The following ASTN2 variants were observed in gnomAD, a reference collection of about 807,000 sequenced individuals.
The protein encoded by ASTN2 is astrotactin 2, also known as astrotactin-2.
A neutral mutation model predicts 139.8 loss-of-function variants in ASTN2; 54 were observed. The ratio of observed to expected loss-of-function variants is 0.39; its 90% CI spans 0.31 to 0.48. The LOEUF is 0.48. Among genes scored for constraint, ASTN2 ranks in the 20% least tolerant of loss-of-function variants. The pLI, the probability that ASTN2 is intolerant of heterozygous loss-of-function variation, is 0.95. For synonymous variants in ASTN2, 756 were observed against 719.5 expected (o/e 1.05, Z -0.81); for missense variants, 1,565 against 1,725.1 (o/e 0.91, Z 1.64).
At chr9:116,690,820 G>A (rs896258322) in intron 16 of ASTN2, among the ~76,000 whole-genome samples, 1 of 152,126 alleles carries the variant, frequency 6.6e-6, no homozygotes, top group African/African-American at 2.4e-5. Flanking sequence ...ATGAGACTAT[G>A]AGAACATATA....
intron 10 of ASTN2, among the ~76,000 whole-genome samples, chr9:116,865,464 G>A (rs10817946): frequency 0.19 from 25,614 of 134,484 alleles, 3,050 homozygotes; most frequent in African/African-American, 0.29. Context: ...AAAGGCAAGC[G>A]AAGAAGGCAG....
chr9:117,200,157 T>G (rs934746826), intron 3 of ASTN2, among the ~76,000 whole-genome samples: 2 of 152,006 alleles, frequency 1.3e-5, no homozygotes, highest in Non-Finnish European at 2.9e-5. Context: ...TGTATACATG[T>G]GCCATGTTGG....
intron 16 of ASTN2, among the ~76,000 whole-genome samples, chr9:116,712,744 G>T (rs553313185): frequency 6.6e-6 from 1 of 152,116 alleles, no homozygotes; most frequent in Non-Finnish European, 1.5e-5. Context: ...GACTCAACCC[G>T]AACTTTGTTT....
At chr9:117,324,872 G>A (rs148277209) in intron 1 of ASTN2, among the ~76,000 whole-genome samples, 1 of 152,190 alleles carries the variant, frequency 6.6e-6, no homozygotes, top group Non-Finnish European at 1.5e-5. Context: ...GAGATACCTT[G>A]GATAGCTCTC....
chr9:116,916,947 T>C (rs1316537920), intron 10 of ASTN2, among the ~76,000 whole-genome samples: 1 of 152,178 alleles, frequency 6.6e-6, no homozygotes, highest in Admixed American at 6.5e-5. Flanking sequence ...GTTTAAGAAA[T>C]GTTATTGTTC....
At chr9:116,451,983 C>A (rs1358331709) in intron 20 of ASTN2, among the ~76,000 whole-genome samples, 1 of 152,078 alleles carries the variant, frequency 6.6e-6, no homozygotes, top group Non-Finnish European at 1.5e-5. Flanking sequence ...TCTCCCCATC[C>A]CCCGTCTTTT....
At chr9:116,562,902 C>T (rs2131666909) in intron 19 of ASTN2, among the ~76,000 whole-genome samples, 1 of 152,210 alleles carries the variant, frequency 6.6e-6, no homozygotes, top group East Asian at 1.9e-4. Context: ...TCATTCAGTG[C>T]CTACTCTGAG....
At chr9:117,251,877 C>G (rs1043045271) in intron 2 of ASTN2, among the ~76,000 whole-genome samples, 3 of 152,110 alleles carry the variant, frequency 2.0e-5, no homozygotes, top group Non-Finnish European at 4.4e-5. Flanking sequence ...AAGCCTGAAG[C>G]CTCAGGCAGA....
chr9:117,073,706 T>C (rs967834655), intron 5 of ASTN2, among the ~76,000 whole-genome samples: 2 of 152,110 alleles, frequency 1.3e-5, no homozygotes, highest in African/African-American at 4.8e-5. Flanking sequence ...ACAAATTATG[T>C]CGACAACCAC....
chr9:116,506,682 C>G (rs12002911), intron 19 of ASTN2, among the ~76,000 whole-genome samples: 27,446 of 152,044 alleles, frequency 0.18, 2,858 homozygotes, highest in African/African-American at 0.28. Context: ...CATCTCCAAC[C>G]CCCCAAAAAG....
At chr9:116,490,272 T>TACAAAAAAAAAAAAAAAAAAAAAAAA (rs1849471849) in intron 19 of ASTN2, among the ~76,000 whole-genome samples, 1 of 37,912 alleles carries the variant, frequency 2.6e-5, no homozygotes, top group Non-Finnish European at 4.5e-5. Context: ...TGATAAAAAG[T>TACAAAAAAAAAAAAAAAAAAAAAAAA]AAAAAAAAAA....
chr9:117,380,249 C>T (rs998213062), intron 1 of ASTN2, among the ~76,000 whole-genome samples: 1 of 152,140 alleles, frequency 6.6e-6, no homozygotes, highest in African/African-American at 2.4e-5. Flanking sequence ...ATCATAAAAA[C>T]AAACGTATAA....
intron 2 of ASTN2, among the ~76,000 whole-genome samples, chr9:117,290,033 C>T (rs944958507): frequency 3.3e-5 from 5 of 152,162 alleles, no homozygotes; most frequent in Non-Finnish European, 5.9e-5. Flanking sequence ...AAGGTCGCTC[C>T]GTTGTGGAGT....
intron 1 of ASTN2, among the ~76,000 whole-genome samples, chr9:117,322,059 A>C (rs1244613316): frequency 2.0e-5 from 3 of 152,012 alleles, no homozygotes; most frequent in Admixed American, 6.6e-5. Flanking sequence ...CTCTGTTTGG[A>C]ATCTTCTCCC....
At chr9:117,010,085 T>G (rs1167955564) in intron 6 of ASTN2, among the ~76,000 whole-genome samples, 1 of 152,068 alleles carries the variant, frequency 6.6e-6, no homozygotes, top group Non-Finnish European at 1.5e-5. Context: ...GGGGTCTTTG[T>G]GAAGTAGGAG....
intron 1 of ASTN2, among the ~76,000 whole-genome samples, chr9:117,369,924 C>CCA (rs144145766): frequency 0.016 from 2,460 of 152,168 alleles, 31 homozygotes; most frequent in Non-Finnish European, 0.023. Flanking sequence ...TTTGGGGATT[C>CCA]CACAGGCCCA....
intron 19 of ASTN2, among the ~76,000 whole-genome samples, chr9:116,551,643 C>T (rs144279999): frequency 4.3e-4 from 65 of 152,290 alleles, no homozygotes; most frequent in African/African-American, 1.3e-3. Context: ...TGCCTATATC[C>T]GCTCTGCCCA....
intron 13 of ASTN2, among the ~76,000 whole-genome samples, chr9:116,743,347 G>C (rs1829144052): frequency 6.6e-6 from 1 of 152,118 alleles, no homozygotes. Flanking sequence ...TCAGGAGATT[G>C]AGACCATCCT....
chr9:116,806,330 C>T (rs758861710), intron 12 of ASTN2, among the ~76,000 whole-genome samples: 10 of 152,176 alleles, frequency 6.6e-5, no homozygotes, highest in Non-Finnish European at 1.2e-4. Flanking sequence ...GGTCTAACAG[C>T]CAGAAAAGCC....
Sources: allele counts gnomAD v4.1 joint callset (sites outside exome capture counted in the v4.1 genomes callset), GRCh38; gene constraint gnomAD v4.1.1; transcripts MANE v1.5; gene names NCBI Gene and HGNC (gene_info 2026-07-23, HGNC 2026-07-21).